CSNK1D: variants seen among roughly 807,000 people sequenced by gnomAD.
CSNK1D encodes the protein casein kinase 1 delta, also known as casein kinase I isoform delta.
Under a neutral mutation model 46.6 loss-of-function variants are expected in CSNK1D, and 16 were observed. The observed-to-expected ratio is 0.34, with a 90% CI of 0.23 to 0.52. CSNK1D has a LOEUF of 0.52. Among genes scored for constraint, CSNK1D ranks in the 20% least tolerant of loss-of-function variants. CSNK1D has a pLI of 0.95. For synonymous variants in CSNK1D, 276 were observed against 228.2 expected, an observed-to-expected ratio of 1.21 and a Z score of -1.89; for missense variants, 398 against 578.4, an observed-to-expected ratio of 0.69 and a Z score of 3.20.
rs2050793927 is a variant in CSNK1D, at chr17:82,244,241, A to C, written c.*540T>G. The C allele has an allele frequency of 9.3e-7, 1 of 1,080,904 alleles. No individual in the cohort carries two copies. Among genetic ancestry groups the C allele is most frequent in the Non-Finnish European group, 1.1e-6 (1 of 885,608 alleles). 67.0% of individuals were successfully genotyped at this position (1,080,904 alleles called of 1,614,324 possible). On this transcript the variant is annotated 3_prime_UTR_variant, in exon 9 of 9. Coordinates refer to ENST00000314028, the MANE Select transcript of CSNK1D (RefSeq NM_001893.6). ...GCACACACCCTTGAGATCCACCTGC[A>C]CCTTCTCCCTGCCCGACTCCACCTC...
chr17:82,264,396 T>A (rs1186919170), intron 2 of CSNK1D, among the ~76,000 whole-genome samples: 2 of 152,184 alleles, frequency 1.3e-5, no homozygotes, highest in African/African-American at 4.8e-5. Context: ...ACCCTCCTGC[T>A]CCATCAGCCC....
Position 82,249,599 on chromosome 17 carries a change from C to A in CSNK1D, c.889G>T (p.Ala297Ser). 1 of 1,559,794 alleles carries A rather than the reference C, an allele frequency of 6.4e-7. No homozygotes were observed. The highest frequency in any genetic ancestry group is 8.6e-7 in the Non-Finnish European group (1 of 1,157,514). ...VFDWNMLKFG[A>S]SRAADDAERE... ...TCGGCGTCATCGGCGGCCCGGCTGG[C>A]ACCCTGAGGAGGCAGGAGGTGAGGC... Residue 297 changes from alanine to serine, a missense_variant, in exon 7 of 9, where the codon GCC becomes TCC. By Grantham distance (99) the Ala-to-Ser change is moderately conservative. This residue lies in a region of CSNK1D where 181 missense variants were observed against 208.0 expected (regional missense o/e 0.87). Transcript: ENST00000314028. The surrounding 1 kb of genome is among the most constrained non-coding windows in gnomAD (Gnocchi z 6.7).
chr17:82,258,192 A>C (rs2051229733), intron 2 of CSNK1D, among the ~76,000 whole-genome samples: 1 of 147,252 alleles, frequency 6.8e-6, no homozygotes, highest in Non-Finnish European at 1.5e-5. Flanking sequence ...GGGTGACAGA[A>C]TGAGACCGTC....
At position 82,251,721 on chromosome 17, in the gene CSNK1D, C is replaced by T. The variant is rs968343857; in HGVS notation, c.737-194G>A. 4 of 650,414 alleles carry T rather than the reference C, an allele frequency of 6.1e-6. No individual in the cohort carries two copies. Among genetic ancestry groups the T allele is most frequent in the Admixed American group, 2.2e-5 (1 of 46,444 alleles). The allele number at this position is 650,414 out of a possible 1,614,324, so 40.3% of individuals were successfully genotyped here. On this transcript the variant is annotated intron_variant, in intron 5 of 8. Coordinates refer to ENST00000314028, the MANE Select transcript of CSNK1D (RefSeq NM_001893.6). This position sits in a 1 kb window ranked among gnomAD's most constrained non-coding sequence, Gnocchi z 4.5. ...GTATTCAAGTCACGGCCGGGTGCGG[C>T]GGCTCACGCCTGTCACCCCAGCACT...
Position 82,244,609 on chromosome 17 carries a change from A to C in CSNK1D, c.*172T>G, listed in dbSNP as rs936655153. ...CAGCCCCAGCGGTGGCAGCTCTTGG[A>C]GTCTGTCCGTTTAGTATGTTTCCCC... On this transcript the variant is annotated 3_prime_UTR_variant, in exon 9 of 9. Coordinates refer to ENST00000314028, the MANE Select transcript of CSNK1D (RefSeq NM_001893.6). The C allele has an allele frequency of 1.3e-6, 2 of 1,526,618 alleles. No homozygotes were observed. The highest frequency in any genetic ancestry group is 8.8e-7 in the Non-Finnish European group (1 of 1,140,268). The allele number at this position is 1,526,618 out of a possible 1,614,324, so 94.6% of individuals were successfully genotyped here. A position where few individuals can be genotyped will look rare whatever the true frequency, so the allele number is the denominator to read the frequency against.
chr17:82,268,517 A>G (rs1209059194), intron 1 of CSNK1D, among the ~76,000 whole-genome samples: 1 of 152,240 alleles, frequency 6.6e-6, no homozygotes, highest in African/African-American at 2.4e-5. Flanking sequence ...ACCACAGGTT[A>G]AATCCGAGAA....
At position 82,273,323 on chromosome 17, in the gene CSNK1D, A is replaced by T; in HGVS notation, c.59T>A (p.Phe20Tyr). 6.2e-7 allele frequency: 1 copy of T among 1,609,136 alleles called. No individual in the cohort carries two copies. Reference protein sequence around the residue: ...RLGRKIGSGSFGDIYLGTDIA... With the variant: ...RLGRKIGSGSYGDIYLGTDIA... ...GGCCTCACCGAGATAGATGTCTCCG[A>T]AGGAGCCGCTGCCGATCTTCCGGCC... The change falls in exon 1 of 9, where the codon TTC (phenylalanine) becomes TAC (tyrosine). Residue 20 changes from phenylalanine (F) to tyrosine (Y), a missense_variant. By Grantham distance (22) the Phe-to-Tyr change is conservative (BLOSUM62 3). This residue lies in a region of CSNK1D where 217 missense variants were observed against 370.3 expected (regional missense o/e 0.59). Coordinates refer to ENST00000314028, the MANE Select transcript of CSNK1D (RefSeq NM_001893.6). The surrounding 1 kb of genome is among the most constrained non-coding windows in gnomAD (Gnocchi z 5.1).
rs2051681602 is a variant in CSNK1D at position 82,273,162 on chromosome 17, GT to G, written c.76+143del. ...CCCTGGCCGCGCTAGCCTAGTGGCCGTTGGGTTCTGGCCACGATCCGGCGGT... is the reference window on the plus strand; with the variant it reads ...CCCTGGCCGCGCTAGCCTAGTGGCCGTGGGTTCTGGCCACGATCCGGCGGT... On this transcript the variant is annotated intron_variant, in intron 1 of 8. Transcript: ENST00000314028. The surrounding 1 kb of genome is among the most constrained non-coding windows in gnomAD (Gnocchi z 5.1). 1.4e-6 allele frequency: 1 copy of G among 727,976 alleles called. No individual in the cohort carries two copies. The highest frequency in any genetic ancestry group is 1.9e-5 in the African/African-American group (1 of 52,662). 45.1% of individuals were successfully genotyped at this position (727,976 alleles called of 1,614,324 possible). A position where few individuals can be genotyped will look rare whatever the true frequency, so the allele number is the denominator to read the frequency against.
chr17:82,246,225 T>C, intron 8 of CSNK1D: 3 of 1,501,754 alleles, frequency 2.0e-6, no homozygotes. Context: ...TGGATGAGAG[T>C]GGTGCCCACT....
chr17:82,248,273 A>C lies in CSNK1D; in HGVS notation c.1197+602T>G. On this transcript the variant is annotated intron_variant, in intron 8 of 8. Coordinates refer to ENST00000314028, the MANE Select transcript of CSNK1D (RefSeq NM_001893.6). This position sits in a 1 kb window ranked among gnomAD's most constrained non-coding sequence, Gnocchi z 4.1. Reference sequence around the variant, plus strand: ...GCAAACGCAAAAGACAACAAAAGCCAGAGCGAGGAGAGGAGAGACCGCTGC... The same window carrying C: ...GCAAACGCAAAAGACAACAAAAGCCCGAGCGAGGAGAGGAGAGACCGCTGC... The C allele has an allele frequency of 1.0e-6, 1 of 986,610 alleles. No homozygotes were observed. Among genetic ancestry groups the C allele is most frequent in the Non-Finnish European group, 1.2e-6 (1 of 830,672 alleles). The allele number at this position is 986,610 out of a possible 1,614,324, so 61.1% of individuals were successfully genotyped here.
rs2051044303 is a variant in CSNK1D at position 82,252,686 on chromosome 17, G to A, written c.566-82C>T. On this transcript the variant is annotated intron_variant, in intron 4 of 8. Coordinates refer to ENST00000314028, the MANE Select transcript of CSNK1D (RefSeq NM_001893.6). The surrounding 1 kb of genome is among the most constrained non-coding windows in gnomAD (Gnocchi z 4.6). ...AAAGACCCGGCTGGCCGTTCCAGTGGAGACTAGCCTCAGACACACATGCCC... is the reference window on the plus strand; with the variant it reads ...AAAGACCCGGCTGGCCGTTCCAGTGAAGACTAGCCTCAGACACACATGCCC... 7.1e-7 allele frequency: 1 copy of A among 1,407,052 alleles called. No individual in the cohort carries two copies. 87.2% of individuals were successfully genotyped at this position (1,407,052 alleles called of 1,614,324 possible).
chr17:82,250,330 T>C lies in CSNK1D; in HGVS notation c.886-728A>G, dbSNP rs191103651. 1,084 of 629,658 alleles carry C rather than the reference T, an allele frequency of 1.7e-3. 12 individuals are homozygous for C. Among genetic ancestry groups the C allele is most frequent in the South Asian group, 0.012 (743 of 61,684 alleles). The allele number at this position is 629,658 out of a possible 1,614,324, so 39.0% of individuals were successfully genotyped here. A position where few individuals can be genotyped will look rare whatever the true frequency, so the allele number is the denominator to read the frequency against. The stretch of plus-strand genomic sequence containing the variant: ...CAGGCAACACACAGACCGACACACC[T>C]GCGGCTGCAGCACCGTGCGGCCAGC... On this transcript the variant is annotated intron_variant, in intron 6 of 8. Transcript: ENST00000314028. This position sits in a 1 kb window ranked among gnomAD's most constrained non-coding sequence, Gnocchi z 4.6.
In CSNK1D at chr17:82,255,747, A is replaced by C. The variant is rs1599597540; in HGVS notation, c.188-170T>G. Among the ~76,000 whole-genome samples the C allele has an allele frequency of 2.0e-5, 3 of 152,324 alleles. No homozygotes were observed. The Middle Eastern group carries it at 0.01, about 518-fold the overall frequency. On this transcript the variant is annotated intron_variant, in intron 2 of 8. Transcript: ENST00000314028. The surrounding 1 kb of genome is among the most constrained non-coding windows in gnomAD (Gnocchi z 5.9). The stretch of plus-strand genomic sequence containing the variant: ...TCCTCAGGGACCCATCCTCGAGATT[A>C]GGCCCCATCTATTAGCAAATGGCCT...
At chr17:82,246,528 A>G in intron 8 of CSNK1D, 2 of 1,067,164 alleles carry the variant, frequency 1.9e-6, no homozygotes, top group Non-Finnish European at 2.3e-6. Context: ...CAGCAACTAG[A>G]TGGCCTTTAG....
In CSNK1D at chr17:82,265,458, C is replaced by T. The variant is rs1455160848; in HGVS notation, c.187+228G>A. ...CCTCCCAAAGTGCTGGGATTCCAGG[C>T]GTGAGCCACCATGCCCGGCCCATAA... On this transcript the variant is annotated intron_variant, in intron 2 of 8. Transcript: ENST00000314028. The T allele has an allele frequency of 2.7e-5, 14 of 526,562 alleles. 1 individual carries two copies. Among genetic ancestry groups the T allele is most frequent in the Middle Eastern group, 5.3e-4 (1 of 1,904 alleles). The allele number at this position is 526,562 out of a possible 1,614,324, so 32.6% of individuals were successfully genotyped here.
Position 82,244,541 on chromosome 17 carries a change from T to G in CSNK1D, c.*240A>C. On this transcript the variant is annotated 3_prime_UTR_variant, in exon 9 of 9. Coordinates refer to ENST00000314028, the MANE Select transcript of CSNK1D (RefSeq NM_001893.6). ...TCTGCAATTCTCTCTCTGCTTTTCTTCCCAGCCCCGTTACAACCGAGTTCA... is the reference window on the plus strand; with the variant it reads ...TCTGCAATTCTCTCTCTGCTTTTCTGCCCAGCCCCGTTACAACCGAGTTCA... The G allele has an allele frequency of 6.8e-7, 1 of 1,461,710 alleles. No individual in the cohort carries two copies. Among genetic ancestry groups the G allele is most frequent in the Non-Finnish European group, 9.0e-7 (1 of 1,107,344 alleles). The allele number at this position is 1,461,710 out of a possible 1,614,324, so 90.5% of individuals were successfully genotyped here.
chr17:82,240,909 C>T (rs2050733657), downstream of CSNK1D, among the ~76,000 whole-genome samples: 1 of 152,154 alleles, frequency 6.6e-6, no homozygotes, highest in South Asian at 2.1e-4. Flanking sequence ...GGCAGTGGGT[C>T]TGCTCTGACC....
chr17:82,244,586 G>A lies in CSNK1D; in HGVS notation c.*195C>T. ...AGTTCACGTGGGGGGCCGCAGTGCA[G>A]CCCCAGCGGTGGCAGCTCTTGGAGT... is the stretch of plus-strand genomic sequence containing the variant. On this transcript the variant is annotated 3_prime_UTR_variant, in exon 9 of 9. Coordinates refer to ENST00000314028, the MANE Select transcript of CSNK1D (RefSeq NM_001893.6). 1 of 1,510,062 alleles carries A rather than the reference G, an allele frequency of 6.6e-7. No individual in the cohort carries two copies. The highest frequency in any genetic ancestry group is 8.8e-7 in the Non-Finnish European group (1 of 1,130,698). The allele number at this position is 1,510,062 out of a possible 1,614,324, so 93.5% of individuals were successfully genotyped here.
At chr17:82,247,156 G>A in intron 8 of CSNK1D, 2 of 985,456 alleles carry the variant, frequency 2.0e-6, no homozygotes, top group Non-Finnish European at 2.4e-6. Context: ...CCCCAAACCA[G>A]CTCTCTCTGG....
Sources: allele counts gnomAD v4.1 joint callset (sites outside exome capture counted in the v4.1 genomes callset), GRCh38; gene constraint gnomAD v4.1.1; regional missense constraint gnomAD v4.1.1; non-coding constraint Gnocchi (gnomAD v3.1); transcripts MANE v1.5; gene names NCBI Gene and HGNC (gene_info 2026-07-23, HGNC 2026-07-21).